PPP1R9A: variants seen among roughly 807,000 people sequenced by gnomAD.
PPP1R9A encodes the protein neurabin-1.
Under a neutral mutation model 141.9 loss-of-function variants are expected in PPP1R9A, and 59 were observed. That is an observed-to-expected ratio of 0.42 (90% CI 0.34 to 0.52). The LOEUF (loss-of-function observed/expected upper bound fraction) is 0.52. PPP1R9A is among the 20% of genes least tolerant of loss of function. The pLI is 0.10. For missense variants in PPP1R9A, 1,444 were observed against 1,611.9 expected (o/e 0.90, Z 1.78); for synonymous variants, 500 against 569.7 (o/e 0.88, Z 1.74).
intron 2 of PPP1R9A, among the ~76,000 whole-genome samples, chr7:94,944,004 C>T (rs1795614882): frequency 6.6e-6 from 1 of 151,992 alleles, no homozygotes; most frequent in South Asian, 2.1e-4. Flanking sequence ...ACCAAACTTC[C>T]AAGTCCATTT....
chr7:95,031,318 C>T (rs1438821264), intron 2 of PPP1R9A, among the ~76,000 whole-genome samples: 2 of 151,994 alleles, frequency 1.3e-5, no homozygotes, highest in African/African-American at 2.4e-5. Flanking sequence ...ATACAGAAAG[C>T]GTTACCTCTA....
intron 4 of PPP1R9A, among the ~76,000 whole-genome samples, chr7:95,125,850 G>T (rs1823469974): frequency 6.6e-6 from 1 of 151,886 alleles, no homozygotes; most frequent in Non-Finnish European, 1.5e-5. Flanking sequence ...CATCTTTTGG[G>T]TAATACCAAC....
At chr7:95,188,600 GTT>G (rs150725765) in intron 5 of PPP1R9A, among the ~76,000 whole-genome samples, 88 of 133,424 alleles carry the variant, frequency 6.6e-4, no homozygotes, top group East Asian at 1.1e-3. Flanking sequence ...GTTGTGTTTT[GTT>G]TTTTTTTTTT....
intron 18 of PPP1R9A, among the ~76,000 whole-genome samples, chr7:95,287,754 TG>T (rs1805615515): frequency 6.6e-6 from 1 of 152,074 alleles, no homozygotes; most frequent in Non-Finnish European, 1.5e-5. Flanking sequence ...GGCACAATCT[TG>T]GTTCACTGCA....
chr7:95,176,125 A>G lies in PPP1R9A; in HGVS notation c.1754+14154A>G, dbSNP rs140928766. Reference sequence around the variant, plus strand: ...CCTGCAGGACCCAGGAGACACCCCAAATATTTTGCTAGTATCCATGGCTGA... The same window carrying G: ...CCTGCAGGACCCAGGAGACACCCCAGATATTTTGCTAGTATCCATGGCTGA... On this transcript the variant is annotated intron_variant, in intron 5 of 19. Coordinates refer to ENST00000433360, the MANE Select transcript of PPP1R9A (RefSeq NM_001166160.2). Among the ~76,000 whole-genome samples, 174 of 151,906 alleles carry G rather than the reference A, an allele frequency of 1.1e-3. 2 individuals are homozygous for G. The South Asian group carries it at 0.015, about 13-fold the overall frequency.
intron 3 of PPP1R9A, among the ~76,000 whole-genome samples, chr7:95,114,146 T>C (rs2152456806): frequency 6.6e-6 from 1 of 152,236 alleles, no homozygotes; most frequent in South Asian, 2.1e-4. Flanking sequence ...GGTCTATAAA[T>C]TGTAGCATAT....
chr7:95,124,948 T>G (rs1239398820), intron 4 of PPP1R9A, among the ~76,000 whole-genome samples: 1 of 152,186 alleles, frequency 6.6e-6, no homozygotes, highest in Non-Finnish European at 1.5e-5. Context: ...GCCGTGGGTA[T>G]TTATCCTCCT....
chr7:95,288,069 T>C (rs556690694), intron 18 of PPP1R9A, among the ~76,000 whole-genome samples: 1 of 152,186 alleles, frequency 6.6e-6, no homozygotes, highest in African/African-American at 2.4e-5. Flanking sequence ...AGTGAAATAA[T>C]GGTTGTGAAA....
rs182553417 is a variant in PPP1R9A at position 95,108,345 on chromosome 7, G to A, written c.1396-2914G>A. Among the ~76,000 whole-genome samples the A allele has an allele frequency of 2.8e-3, 279 of 99,596 alleles. 6 individuals are homozygous for A. The East Asian group carries it at 0.03, about 11-fold the overall frequency. 65.3% of individuals were successfully genotyped at this position (99,596 alleles called of 152,430 possible). A position where few individuals can be genotyped will look rare whatever the true frequency, so the allele number is the denominator to read the frequency against. ...TTTTTTTTTTTTTTGAGACAGTCTC[G>A]CTCTGTCACCCAGGCTGGAGTGCAG... On this transcript the variant is annotated intron_variant, in intron 2 of 19. Transcript: ENST00000433360.
chr7:95,033,011 T>A (rs188691599), intron 2 of PPP1R9A, among the ~76,000 whole-genome samples: 1 of 152,014 alleles, frequency 6.6e-6, no homozygotes, highest in East Asian at 1.9e-4. Context: ...AATTTTTTAA[T>A]TTTTTTATTT....
rs1447905857 is a variant in PPP1R9A at position 95,185,192 on chromosome 7, A to T, written c.1755-13157A>T. On this transcript the variant is annotated intron_variant, in intron 5 of 19. Transcript: ENST00000433360. Reference sequence around the variant, plus strand: ...CCCTTTTCACCACATCCATGCCAACATCTATGTTTTTTGTCTTTTAATTAT... The same window carrying T: ...CCCTTTTCACCACATCCATGCCAACTTCTATGTTTTTTGTCTTTTAATTAT... Among the ~76,000 whole-genome samples, 4 of 151,384 alleles carry T rather than the reference A, an allele frequency of 2.6e-5. No individual in the cohort carries two copies. In the Admixed American group the frequency reaches 2.6e-4, roughly 10 times the overall value.
chr7:95,143,042 G>A (rs1388109049), intron 4 of PPP1R9A, among the ~76,000 whole-genome samples: 1 of 152,084 alleles, frequency 6.6e-6, no homozygotes, highest in East Asian at 1.9e-4. Context: ...AAATATCCTT[G>A]AATATCCCAA....
Position 95,269,310 on chromosome 7 carries a change from C to A in PPP1R9A, c.2927C>A (p.Thr976Asn). 1 of 1,597,970 alleles carries A rather than the reference C, an allele frequency of 6.3e-7. No individual in the cohort carries two copies. The highest frequency in any genetic ancestry group is 1.3e-5 in the African/African-American group (1 of 74,966). ...PESDSGVPPL[T>N]PVDSNVPFSS... ...TCAGATTCTGGTGTTCCACCCCTCA[C>A]CCCGGTGGATAGCAATGTGCCCTTC... Residue 976 changes from threonine to asparagine, a missense_variant, in exon 14 of 20, where the codon ACC becomes AAC. Around this residue, in one of 5 missense-constraint regions of PPP1R9A, gnomAD observed 459 missense variants for 513.8 expected, o/e 0.89. Coordinates refer to ENST00000433360, the MANE Select transcript of PPP1R9A (RefSeq NM_001166160.2).
chr7:95,209,299 CTG>C (rs1261659550), intron 7 of PPP1R9A, among the ~76,000 whole-genome samples: 1 of 152,144 alleles, frequency 6.6e-6, no homozygotes, highest in Non-Finnish European at 1.5e-5. Flanking sequence ...GCTTAAAACT[CTG>C]TGTCTTCAAC....
intron 4 of PPP1R9A, 58 bp downstream of exon 4, chr7:95,120,890 T>G: frequency 1.3e-6 from 2 of 1,535,574 alleles, no homozygotes; most frequent in South Asian, 1.3e-5. Flanking sequence ...CCTGGAAGTT[T>G]CCTTCAGTTG....
At chr7:94,981,589 A>G (rs34730810) in intron 2 of PPP1R9A, among the ~76,000 whole-genome samples, 1 of 151,870 alleles carries the variant, frequency 6.6e-6, no homozygotes, top group Non-Finnish European at 1.5e-5. Context: ...TTGTGGGCAT[A>G]TTTTCACCTT....
rs116548878 is a variant in PPP1R9A, at chr7:95,048,135, A to G, written c.1396-63124A>G. 3.9e-3 allele frequency among the ~76,000 whole-genome samples: 597 copies of G among 152,306 alleles called. 7 individuals are homozygous for G. Among genetic ancestry groups the G allele is most frequent in the African/African-American group, 0.014 (568 of 41,576 alleles). The stretch of plus-strand genomic sequence containing the variant: ...GGTAGTACATAAAGTCCAGCATAAA[A>G]CTGCCTATAGTACAAATGTTGATAT... On this transcript the variant is annotated intron_variant, in intron 2 of 19. Coordinates refer to ENST00000433360, the MANE Select transcript of PPP1R9A (RefSeq NM_001166160.2).
chr7:95,244,289 T>C (rs925884517), intron 8 of PPP1R9A, among the ~76,000 whole-genome samples: 1 of 152,190 alleles, frequency 6.6e-6, no homozygotes, highest in African/African-American at 2.4e-5. Context: ...CATGGGCTGT[T>C]TCACAGTTTT....
chr7:95,257,300 T>C (rs1283156057), intron 12 of PPP1R9A, among the ~76,000 whole-genome samples: 1 of 152,128 alleles, frequency 6.6e-6, no homozygotes, highest in African/African-American at 2.4e-5. Context: ...CACATTTATG[T>C]CAGTTTGAGA....
Sources: gnomAD v4.1 joint callset for allele counts (sites outside exome capture counted in the v4.1 genomes callset) on GRCh38, gnomAD v4.1.1 for gene constraint, gnomAD v4.1.1 regional missense constraint, MANE v1.5 for transcripts, NCBI Gene and HGNC (gene_info 2026-07-23, HGNC 2026-07-21) for gene names.